SH3KBP1: variants seen among roughly 807,000 people sequenced by gnomAD.
SH3KBP1 encodes the protein SH3 domain-containing kinase-binding protein 1.
SH3KBP1 carries 8 observed loss-of-function variants against 50.1 expected under a neutral mutation model. That is an observed-to-expected ratio of 0.16 (90% CI 0.09 to 0.29). The LOEUF (loss-of-function observed/expected upper bound fraction) is 0.29, where lower values mean the gene tolerates loss of function less well. SH3KBP1 is among the 10% of genes least tolerant of loss of function. SH3KBP1 has a pLI of 1.00. For synonymous variants in SH3KBP1, 227 were observed against 218.6 expected, an observed-to-expected ratio of 1.04 and a Z score of -0.34; for missense variants, 377 against 535.2, an observed-to-expected ratio of 0.70 and a Z score of 2.92.
At chrX:19,645,323 A>G in intron 7 of SH3KBP1, 77 bp downstream of exon 7, 4 of 793,000 alleles carry the variant, frequency 5.0e-6, no homozygotes, top group Non-Finnish European at 7.6e-6. Context: ...TTATATAGGG[A>G]TTTCTAAAAA....
At chrX:19,632,139 T>G (rs1288555558) in intron 7 of SH3KBP1, among the ~76,000 whole-genome samples, 181 bp from the exon 8 acceptor site, 1 of 111,711 alleles carries the variant, frequency 9.0e-6, no homozygotes, top group Non-Finnish European at 1.9e-5. Flanking sequence ...TTTTGGCTCA[T>G]GTATATTTAT....
At chrX:19,762,761 C>T (rs956125137) in intron 2 of SH3KBP1, among the ~76,000 whole-genome samples, 1 of 111,721 alleles carries the variant, frequency 9.0e-6, no homozygotes, top group East Asian at 2.8e-4. Context: ...CGTTATTTGT[C>T]ACCATACCAC....
rs761081294 is a variant in SH3KBP1, at chrX:19,683,161, GC to G, written c.726+661del. On this transcript the variant is annotated intron_variant, in intron 6 of 17. Transcript: ENST00000397821. The stretch of plus-strand genomic sequence containing the variant: ...TATACCACAGTAGACGTCATCGGCA[GC>G]CACAAGCGCGAGGGCTCTGGGTGTG... Among the ~76,000 whole-genome samples the G allele has an allele frequency of 2.1e-3, 238 of 111,572 alleles. 1 individual carries two copies. Among genetic ancestry groups the G allele is most frequent in the African/African-American group, 7.1e-3 (217 of 30,651 alleles).
At chrX:19,548,189 C>T (rs899019092) in intron 14 of SH3KBP1, among the ~76,000 whole-genome samples, 1 of 111,997 alleles carries the variant, frequency 8.9e-6, no homozygotes, top group Non-Finnish European at 1.9e-5. Flanking sequence ...GATATATCCT[C>T]ACCACATCCC....
chrX:19,864,833 G>A (rs979075580), intron 1 of SH3KBP1, among the ~76,000 whole-genome samples: 7 of 112,081 alleles, frequency 6.2e-5, no homozygotes, highest in Non-Finnish European at 1.1e-4. Context: ...TGGACCTGAC[G>A]GATAAGCGAC....
chrX:19,849,530 A>C (rs1415137997), intron 1 of SH3KBP1, among the ~76,000 whole-genome samples: 1 of 109,808 alleles, frequency 9.1e-6, no homozygotes, highest in Non-Finnish European at 1.9e-5. Context: ...CTCCGCAAAA[A>C]ATACAAAAAT....
chrX:19,775,965 A>T (rs1460922569), intron 2 of SH3KBP1, among the ~76,000 whole-genome samples: 2 of 111,419 alleles, frequency 1.8e-5, no homozygotes, highest in African/African-American at 6.5e-5. Context: ...TGTCCCTTGC[A>T]AATTGCCAAG....
intron 13 of SH3KBP1, among the ~76,000 whole-genome samples, chrX:19,564,270 A>C (rs1038000543): frequency 2.7e-5 from 3 of 112,026 alleles, no homozygotes; most frequent in Non-Finnish European, 5.6e-5. Context: ...GTTTGTAGAC[A>C]TTTGGTGTCA....
intron 2 of SH3KBP1, among the ~76,000 whole-genome samples, chrX:19,832,685 CTCCCACCAGGGCT>C (rs1462022600): frequency 3.6e-5 from 4 of 111,223 alleles, no homozygotes; most frequent in Non-Finnish European, 5.7e-5. Context: ...TCCCTGCCAT[CTCCCACCAGGGCT>C]TCCCTTGAGC....
intron 2 of SH3KBP1, among the ~76,000 whole-genome samples, chrX:19,826,201 G>GAATTC (rs1333164904): frequency 8.9e-6 from 1 of 112,166 alleles, no homozygotes; most frequent in Admixed American, 9.5e-5. Flanking sequence ...TTAAAGCACA[G>GAATTC]AATTCCCAAA....
At chrX:19,670,489 A>C in intron 6 of SH3KBP1, 1 of 364,349 alleles carries the variant, frequency 2.7e-6, no homozygotes, top group Non-Finnish European at 3.5e-6. Context: ...GACATGGTGT[A>C]ACAGTTACCG....
chrX:19,682,314 A>G (rs2063072398), intron 6 of SH3KBP1, among the ~76,000 whole-genome samples: 1 of 106,154 alleles, frequency 9.4e-6, no homozygotes, highest in Admixed American at 1.0e-4. Flanking sequence ...ACTAATATTA[A>G]TAGCAATAAT....
chrX:19,536,587 A>G, intron 17 of SH3KBP1, 129 bp from the exon 18 acceptor site: 1 of 402,292 alleles, frequency 2.5e-6, no homozygotes, highest in Non-Finnish European at 4.4e-6. Flanking sequence ...GTGACATGAC[A>G]TCTGAATAGA....
intron 6 of SH3KBP1, chrX:19,670,933 C>T (rs1471916030): frequency 2.0e-5 from 23 of 1,146,401 alleles, no homozygotes; most frequent in Non-Finnish European, 2.5e-5. Flanking sequence ...TGGAATCCTC[C>T]CACTTCCTTC....
At chrX:19,583,132 A>C (rs894914740) in intron 12 of SH3KBP1, among the ~76,000 whole-genome samples, 2,241 of 61,271 alleles carry the variant, frequency 0.037, 75 homozygotes, top group African/African-American at 0.17. Context: ...ACACATTATT[A>C]TTATTATTAT....
chrX:19,814,371 G>A (rs747343567), intron 2 of SH3KBP1, among the ~76,000 whole-genome samples: 13 of 110,920 alleles, frequency 1.2e-4, no homozygotes, highest in Non-Finnish European at 2.1e-4. Flanking sequence ...ATCTCTGGTC[G>A]CATCAGCCTC....
intron 13 of SH3KBP1, among the ~76,000 whole-genome samples, chrX:19,559,436 C>T (rs924636283): frequency 9.6e-6 from 1 of 103,994 alleles, no homozygotes; most frequent in African/African-American, 3.5e-5. Flanking sequence ...AAGCGATTCT[C>T]CTGTCTCAGC....
intron 12 of SH3KBP1, among the ~76,000 whole-genome samples, chrX:19,576,372 GAAAC>G (rs775663746): frequency 1.1e-3 from 124 of 110,557 alleles, no homozygotes; most frequent in Non-Finnish European, 1.0e-3. Context: ...AAAGAAAAAA[GAAAC>G]AACAGCAACA....
At chrX:19,744,597 C>T (rs778755586) in intron 3 of SH3KBP1, among the ~76,000 whole-genome samples, 1 of 111,958 alleles carries the variant, frequency 8.9e-6, no homozygotes, top group Non-Finnish European at 1.9e-5. Context: ...CCACAACCAC[C>T]GGCAGATTCC....
Sources: allele counts gnomAD v4.1 joint callset (sites outside exome capture counted in the v4.1 genomes callset), GRCh38; gene constraint gnomAD v4.1.1; transcripts MANE v1.5; gene names NCBI Gene and HGNC (gene_info 2026-07-23, HGNC 2026-07-21).